Variants in DSCAM observed in about 807,000 individuals in gnomAD.
DSCAM encodes cell adhesion molecule DSCAM.
A neutral mutation model predicts 217.7 loss-of-function variants in DSCAM; 47 were observed. The ratio of observed to expected loss-of-function variants is 0.22; its 90% CI spans 0.17 to 0.28. The LOEUF is 0.28. Ranked by LOEUF, DSCAM falls within the 10% of genes least tolerant of loss-of-function variation. The pLI, the probability that DSCAM is intolerant of heterozygous loss-of-function variation, is 1.00. For synonymous variants in DSCAM, 1,056 were observed against 1,015.3 expected (o/e 1.04, Z -0.76); for missense variants, 2,080 against 2,618.3 (o/e 0.79, Z 4.49).
chr21:40,267,660 G>A (rs1003394610), intron 11 of DSCAM, among the ~76,000 whole-genome samples: 1 of 152,148 alleles, frequency 6.6e-6, no homozygotes, highest in Non-Finnish European at 1.5e-5. Flanking sequence ...ATTTTGGGAG[G>A]CTGAGGCAGG....
chr21:40,164,184 T>C (rs1484458240), intron 16 of DSCAM, among the ~76,000 whole-genome samples: 1 of 152,134 alleles, frequency 6.6e-6, no homozygotes, highest in Non-Finnish European at 1.5e-5. Context: ...ATGGGTAACA[T>C]AGAGGGTGAA....
chr21:40,263,588 T>C (rs1379971875), intron 11 of DSCAM, among the ~76,000 whole-genome samples: 1 of 152,142 alleles, frequency 6.6e-6, no homozygotes, highest in Non-Finnish European at 1.5e-5. Flanking sequence ...TTTACAGCAC[T>C]AAATGCCTAC....
At chr21:40,380,239 G>A (rs1403474198) in intron 3 of DSCAM, among the ~76,000 whole-genome samples, 1 of 152,152 alleles carries the variant, frequency 6.6e-6, no homozygotes, top group East Asian at 1.9e-4. Flanking sequence ...AGATATTCAA[G>A]TCTGTCACTA....
chr21:40,412,662 A>T (rs1405074376), intron 3 of DSCAM, among the ~76,000 whole-genome samples: 1 of 152,252 alleles, frequency 6.6e-6, no homozygotes, highest in Non-Finnish European at 1.5e-5. Context: ...ATTCAGTTTT[A>T]AAAGGGGAAC....
chr21:40,540,777 A>T (rs57526718), intron 3 of DSCAM, among the ~76,000 whole-genome samples: 10,858 of 152,126 alleles, frequency 0.071, 729 homozygotes, highest in African/African-American at 0.17. Flanking sequence ...GATCAACTTC[A>T]ATCCGTTTTT....
At chr21:40,798,550 A>C (rs2091711657) in intron 1 of DSCAM, among the ~76,000 whole-genome samples, 1 of 152,122 alleles carries the variant, frequency 6.6e-6, no homozygotes, top group Non-Finnish European at 1.5e-5. Context: ...ATTGGCAATA[A>C]TAATATTTCA....
chr21:40,516,449 G>C (rs532005734), intron 3 of DSCAM, among the ~76,000 whole-genome samples: 2 of 152,120 alleles, frequency 1.3e-5, no homozygotes, highest in East Asian at 2.0e-4. Flanking sequence ...TCTTTAGCAG[G>C]AAGACAGGAA....
intron 3 of DSCAM, among the ~76,000 whole-genome samples, chr21:40,391,363 C>G (rs920694563): frequency 2.0e-5 from 3 of 152,168 alleles, no homozygotes; most frequent in African/African-American, 4.8e-5. Flanking sequence ...AGTCTACCCA[C>G]CTGCTGTTTG....
intron 2 of DSCAM, among the ~76,000 whole-genome samples, chr21:40,697,818 G>A (rs986066705): frequency 9.2e-5 from 14 of 151,992 alleles, no homozygotes; most frequent in Admixed American, 5.2e-4. Context: ...TTAGCATTTC[G>A]GAGTCTTTTG....
At chr21:40,624,843 A>C (rs1294472250) in intron 3 of DSCAM, among the ~76,000 whole-genome samples, 1 of 152,230 alleles carries the variant, frequency 6.6e-6, no homozygotes, top group East Asian at 1.9e-4. Context: ...TCTCCAATAC[A>C]TTTTGAAAGA....
At chr21:40,220,875 C>A (rs1413156244) in intron 11 of DSCAM, among the ~76,000 whole-genome samples, 1 of 152,198 alleles carries the variant, frequency 6.6e-6, no homozygotes, top group Non-Finnish European at 1.5e-5. Flanking sequence ...TCACTGTGCT[C>A]ACTGGGCCAC....
intron 19 of DSCAM, 104 bp downstream of exon 19, chr21:40,133,750 T>G: frequency 7.2e-7 from 1 of 1,384,266 alleles, no homozygotes; most frequent in Non-Finnish European, 9.6e-7. Context: ...AGCAAAGGTT[T>G]GCACTGAGAA....
rs1037100716 is a variant in DSCAM, at chr21:40,564,832, C to A, written c.508+127978G>T. On this transcript the variant is annotated intron_variant, in intron 3 of 32. Transcript: ENST00000400454. ...TAACAAATGCAAGTTTATTTTAATA[C>A]CTAATTAGGGTGAGAAGCTGCTTGG... 2.0e-5 allele frequency among the ~76,000 whole-genome samples: 3 copies of A among 152,184 alleles called. No homozygotes were observed. In the South Asian group the frequency reaches 6.2e-4, roughly 32 times the overall value.
At chr21:40,404,642 G>A (rs951669867) in intron 3 of DSCAM, among the ~76,000 whole-genome samples, 1 of 152,196 alleles carries the variant, frequency 6.6e-6, no homozygotes, top group African/African-American at 2.4e-5. Context: ...TCTCCGGAAA[G>A]TTCTATCATT....
chr21:40,184,161 G>A (rs928777473), intron 14 of DSCAM, among the ~76,000 whole-genome samples: 6 of 152,194 alleles, frequency 3.9e-5, no homozygotes, highest in African/African-American at 1.4e-4. Context: ...CATTTAGGCT[G>A]TTATTAATAC....
chr21:40,353,324 T>C (rs2074653979), intron 5 of DSCAM, 141 bp downstream of exon 5: 1 of 1,137,636 alleles, frequency 8.8e-7, no homozygotes, highest in African/African-American at 1.6e-5. Flanking sequence ...TTCACATCTG[T>C]AAAATGAGGT....
At chr21:40,691,802 T>C (rs2090540412) in intron 3 of DSCAM, among the ~76,000 whole-genome samples, 1 of 152,246 alleles carries the variant, frequency 6.6e-6, no homozygotes, top group South Asian at 2.1e-4. Flanking sequence ...ATGATGGCAA[T>C]GTATTTCAAC....
chr21:40,602,316 T>C lies in DSCAM; in HGVS notation c.508+90494A>G, dbSNP rs1035270093. On this transcript the variant is annotated intron_variant, in intron 3 of 32. Transcript: ENST00000400454. ...GCTCAAGCAATCCGCCCGCTGCGGC[T>C]TCTCAAAGTGCTGAGATCATAGTCA... Among the ~76,000 whole-genome samples, 6 of 152,180 alleles carry C rather than the reference T, an allele frequency of 3.9e-5. No individual in the cohort carries two copies. The East Asian group carries it at 1.2e-3, about 29-fold the overall frequency.
intron 3 of DSCAM, among the ~76,000 whole-genome samples, chr21:40,678,242 A>G (rs1043287455): frequency 1.6e-4 from 24 of 152,170 alleles, no homozygotes; most frequent in Admixed American, 6.5e-5. Context: ...TGTCTTTTTA[A>G]AACAGGTCAT....
Sources: allele counts gnomAD v4.1 joint callset (sites outside exome capture counted in the v4.1 genomes callset), GRCh38; gene constraint gnomAD v4.1.1; transcripts MANE v1.5; gene names NCBI Gene and HGNC (gene_info 2026-07-23, HGNC 2026-07-21).